The following FGGY variants were observed in gnomAD, a reference collection of about 807,000 sequenced individuals.
FGGY encodes FGGY carbohydrate kinase domain containing.
A neutral mutation model predicts 71.3 loss-of-function variants in FGGY; 72 were observed. The ratio of observed to expected loss-of-function variants is 1.01; its 90% confidence interval spans 0.84 to 1.23. The LOEUF is 1.23. FGGY is among the 50% of genes most tolerant of loss of function. FGGY has a pLI of 0.00. For synonymous variants in FGGY, 251 were observed against 250.3 expected (o/e 1.00, Z -0.02); for missense variants, 668 against 682.3 (o/e 0.98, Z 0.23).
chr1:59,685,866 G>A (rs963481883), intron 14 of FGGY, among the ~76,000 whole-genome samples: 1 of 152,146 alleles, frequency 6.6e-6, no homozygotes, highest in Non-Finnish European at 1.5e-5. Context: ...AATCCCCTAG[G>A]GGGTTACTTT....
intron 4 of FGGY, 89 bp from the exon 5 acceptor site, chr1:59,378,660 C>A: frequency 8.5e-7 from 1 of 1,181,310 alleles, no homozygotes; most frequent in Non-Finnish European, 1.2e-6. Context: ...GTTGGCTATG[C>A]TTTTGTTTTG....
Position 59,659,263 on chromosome 1 carries a change from A to G in FGGY, c.1222-956A>G, listed in dbSNP as rs549830825. On this transcript the variant is annotated intron_variant, in intron 11 of 15. Transcript: ENST00000303721. ...AACTGAATGGTGCCTGTGCACTGTC[A>G]TAAGCCAATTGCAGTGGGGTTCAGG... Among the ~76,000 whole-genome samples the G allele has an allele frequency of 3.3e-5, 5 of 152,304 alleles. No individual in the cohort carries two copies. The South Asian group carries it at 1.0e-3, about 32-fold the overall frequency.
intron 4 of FGGY, among the ~76,000 whole-genome samples, chr1:59,371,108 T>G (rs2057542299): frequency 6.6e-6 from 1 of 152,158 alleles, no homozygotes; most frequent in Non-Finnish European, 1.5e-5. Context: ...AGACACAGAC[T>G]GGCAAGTTGG....
At chr1:59,697,583 C>A in intron 14 of FGGY, 1 of 902,898 alleles carries the variant, frequency 1.1e-6, no homozygotes, top group Non-Finnish European at 1.6e-6. Flanking sequence ...CTGTGATCTG[C>A]TGATTATAAC....
chr1:59,653,803 A>G (rs1161008025), intron 11 of FGGY, among the ~76,000 whole-genome samples: 1 of 152,194 alleles, frequency 6.6e-6, no homozygotes, highest in Non-Finnish European at 1.5e-5. Flanking sequence ...TAAGCCAGCA[A>G]TGATGGGTCA....
intron 5 of FGGY, among the ~76,000 whole-genome samples, chr1:59,423,797 T>C (rs1174597990): frequency 2.0e-5 from 3 of 152,192 alleles, no homozygotes; most frequent in Admixed American, 1.3e-4. Flanking sequence ...TGTCTCTGTT[T>C]CTCCAGCTGG....
At chr1:59,518,741 G>T (rs1305157705) in intron 7 of FGGY, among the ~76,000 whole-genome samples, 1 of 152,124 alleles carries the variant, frequency 6.6e-6, no homozygotes, top group Non-Finnish European at 1.5e-5. Context: ...TGCCATGATC[G>T]TAAGTTTCCT....
intron 5 of FGGY, among the ~76,000 whole-genome samples, chr1:59,389,627 G>T (rs1461762104): frequency 6.6e-6 from 1 of 152,084 alleles, no homozygotes; most frequent in Non-Finnish European, 1.5e-5. Context: ...GTTCCATAGG[G>T]TCATTCTAAG....
intron 14 of FGGY, among the ~76,000 whole-genome samples, chr1:59,731,564 T>A (rs1345483821): frequency 1.3e-5 from 2 of 152,106 alleles, no homozygotes; most frequent in Middle Eastern, 3.2e-3. Flanking sequence ...TTCCTTTGAT[T>A]ACAGGAAGCA....
chr1:59,757,806 A>T (rs1574086086), intron 14 of FGGY, 125 bp from the exon 15 acceptor site: 2 of 613,280 alleles, frequency 3.3e-6, no homozygotes, highest in East Asian at 5.6e-5. Flanking sequence ...TAAGTTGAAA[A>T]AAAAGAGGAC....
chr1:59,325,299 G>A (rs1217852473), intron 2 of FGGY, among the ~76,000 whole-genome samples: 3 of 152,208 alleles, frequency 2.0e-5, no homozygotes, highest in Non-Finnish European at 2.9e-5. Context: ...GGAGCTTGCA[G>A]TGAGCCGAGA....
chr1:59,747,151 T>G (rs2098205553), intron 14 of FGGY, among the ~76,000 whole-genome samples: 1 of 152,200 alleles, frequency 6.6e-6, no homozygotes, highest in Non-Finnish European at 1.5e-5. Flanking sequence ...ATTAGATGAG[T>G]GACAGCTTGC....
intron 1 of FGGY, among the ~76,000 whole-genome samples, chr1:59,318,972 G>A (rs1255285503): frequency 1.3e-5 from 2 of 152,192 alleles, no homozygotes; most frequent in Admixed American, 6.5e-5. Context: ...TCTTCTTCCT[G>A]TTTGCAGCTA....
At chr1:59,722,668 T>C (rs2100678453) in intron 14 of FGGY, among the ~76,000 whole-genome samples, 1 of 152,344 alleles carries the variant, frequency 6.6e-6, no homozygotes, top group South Asian at 2.1e-4. Context: ...TTGTGTGTCT[T>C]GTGAGGTTTT....
intron 14 of FGGY, among the ~76,000 whole-genome samples, chr1:59,738,336 G>C (rs560175688): frequency 1.3e-5 from 2 of 152,210 alleles, no homozygotes; most frequent in African/African-American, 2.4e-5. Context: ...CATTCTTCCC[G>C]TATGTAAACT....
chr1:59,478,108 G>A (rs2093338182), intron 6 of FGGY, among the ~76,000 whole-genome samples: 1 of 152,192 alleles, frequency 6.6e-6, no homozygotes. Flanking sequence ...GCCAGATTGG[G>A]AAAGTAATAC....
intron 1 of FGGY, among the ~76,000 whole-genome samples, chr1:59,320,410 G>C (rs1309555046): frequency 6.6e-6 from 1 of 152,168 alleles, no homozygotes; most frequent in African/African-American, 2.4e-5. Flanking sequence ...ATTAGACTCT[G>C]GGTGGTAAAA....
intron 14 of FGGY, among the ~76,000 whole-genome samples, chr1:59,705,545 G>T (rs944563326): frequency 2.0e-5 from 3 of 152,108 alleles, no homozygotes; most frequent in Non-Finnish European, 2.9e-5. Flanking sequence ...TAATTATGGG[G>T]AAATTCTAAA....
At chr1:59,522,997 G>T (rs1299163974) in intron 7 of FGGY, among the ~76,000 whole-genome samples, 1 of 152,144 alleles carries the variant, frequency 6.6e-6, no homozygotes, top group Non-Finnish European at 1.5e-5. Flanking sequence ...TAAACAGAAG[G>T]TTTCACTTAT....
Sources: gnomAD v4.1 joint callset for allele counts (sites outside exome capture counted in the v4.1 genomes callset) on GRCh38, gnomAD v4.1.1 for gene constraint, MANE v1.5 for transcripts, NCBI Gene and HGNC (gene_info 2026-07-23, HGNC 2026-07-21) for gene names.